Variants in UNC80 observed in about 807,000 individuals in gnomAD.
The protein encoded by UNC80 is protein unc-80 homolog.
Under a neutral mutation model 384.6 loss-of-function variants are expected in UNC80, and 164 were observed. The ratio of observed to expected loss-of-function variants is 0.43; its 90% CI spans 0.38 to 0.49. UNC80 has a LOEUF of 0.49. Among genes scored for constraint, UNC80 ranks in the 20% least tolerant of loss-of-function variants. UNC80 has a pLI of 0.00. For missense variants in UNC80, 3,330 were observed against 4,143.0 expected, an observed-to-expected ratio of 0.80 and a Z score of 5.39; for synonymous variants, 1,486 against 1,527.8, an observed-to-expected ratio of 0.97 and a Z score of 0.64.
At chr2:209,788,287 A>C (rs1373488398) in intron 5 of UNC80, among the ~76,000 whole-genome samples, 3 of 152,004 alleles carry the variant, frequency 2.0e-5, no homozygotes, top group Non-Finnish European at 4.4e-5. Context: ...TTGGTAGCGC[A>C]TGCCTATAAT....
chr2:209,889,711 A>G lies in UNC80; in HGVS notation c.4276+1451A>G, dbSNP rs182040102. ...CCTATGTTCATGTTTCTCATTGCTC[A>G]ACTCCCACTTATGAGTGAGAACATG... On this transcript the variant is annotated intron_variant, in intron 26 of 64. Coordinates refer to ENST00000673920, the MANE Select transcript of UNC80 (RefSeq NM_001371986.1). Among the ~76,000 whole-genome samples, 44 of 152,266 alleles carry G rather than the reference A, an allele frequency of 2.9e-4. No homozygotes were observed. In the East Asian group the frequency reaches 8.3e-3, roughly 29 times the overall value.
intron 22 of UNC80, among the ~76,000 whole-genome samples, chr2:209,871,458 C>A (rs1025728502): frequency 6.6e-6 from 1 of 152,160 alleles, no homozygotes; most frequent in African/African-American, 2.4e-5. Context: ...ATGTAATTGA[C>A]AGTCTATGTT....
At chr2:209,842,827 C>T (rs1412466271) in intron 21 of UNC80, among the ~76,000 whole-genome samples, 1 of 152,208 alleles carries the variant, frequency 6.6e-6, no homozygotes, top group Non-Finnish European at 1.5e-5. Context: ...TGCACACTTC[C>T]ACTGAGGGGG....
intron 5 of UNC80, 146 bp downstream of exon 5, chr2:209,786,335 C>A: frequency 9.5e-7 from 1 of 1,049,480 alleles, no homozygotes. Context: ...ATAGGGCTTA[C>A]TCACATGAGG....
intron 9 of UNC80, among the ~76,000 whole-genome samples, chr2:209,816,583 C>G (rs2079753597): frequency 6.6e-6 from 1 of 152,172 alleles, no homozygotes; most frequent in Non-Finnish European, 1.5e-5. Context: ...TTCTGAGGGT[C>G]TAATATAATA....
In UNC80 at chr2:209,820,383, A is replaced by G; in HGVS notation, c.2035A>G (p.Ile679Val). The G allele has an allele frequency of 6.4e-7, 1 of 1,552,000 alleles. No individual in the cohort carries two copies. The highest frequency in any genetic ancestry group is 8.7e-7 in the Non-Finnish European group (1 of 1,147,060). Residue 679 changes from isoleucine to valine, a missense_variant, in exon 13 of 65, where the codon ATT becomes GTT. Coordinates refer to ENST00000673920, the MANE Select transcript of UNC80 (RefSeq NM_001371986.1). ...SSRICDVALN[I>V]VECLLQLGVV... ...TCGTATCTGTGACGTGGCGCTAAACATTGTGGAATGCTTGCTTCAACTTGG... is the reference window on the plus strand; with the variant it reads ...TCGTATCTGTGACGTGGCGCTAAACGTTGTGGAATGCTTGCTTCAACTTGG...
At chr2:209,842,506 A>G in intron 21 of UNC80, 60 bp downstream of exon 21, 1 of 1,243,054 alleles carries the variant, frequency 8.0e-7, no homozygotes, top group Non-Finnish European at 1.1e-6. Context: ...CAAAAACTTG[A>G]TTAGATTAAG....
chr2:209,945,499 T>G (rs1184544586), intron 46 of UNC80, among the ~76,000 whole-genome samples: 3 of 152,164 alleles, frequency 2.0e-5, no homozygotes, highest in African/African-American at 7.2e-5. Flanking sequence ...AGTGAATAAC[T>G]CTCCAAAATG....
chr2:209,889,664 C>T (rs944812589), intron 26 of UNC80, among the ~76,000 whole-genome samples: 1 of 152,066 alleles, frequency 6.6e-6, no homozygotes, highest in Non-Finnish European at 1.5e-5. Context: ...ACGGACAGGC[C>T]CCGGTGAGTG....
chr2:209,942,460 T>C (rs2124980436), intron 44 of UNC80, among the ~76,000 whole-genome samples: 1 of 152,322 alleles, frequency 6.6e-6, no homozygotes, highest in East Asian at 1.9e-4. Flanking sequence ...GAAGGTAATT[T>C]AGCAGGAACA....
At chr2:209,899,131 G>A (rs1334865133) in intron 28 of UNC80, among the ~76,000 whole-genome samples, 6 of 152,064 alleles carry the variant, frequency 3.9e-5, no homozygotes, top group Admixed American at 6.6e-5. Context: ...TTCAATATAT[G>A]AATCTATTTT....
intron 4 of UNC80, among the ~76,000 whole-genome samples, chr2:209,778,480 T>A (rs534573632): frequency 4.4e-4 from 67 of 152,336 alleles, no homozygotes; most frequent in African/African-American, 1.6e-3. Context: ...AATTGCTTTT[T>A]AAAATATTTT....
rs1439630415 is a variant in UNC80 at position 209,813,626 on chromosome 2, T to C, written c.985T>C (p.Tyr329His). 2 of 1,551,750 alleles carry C rather than the reference T, an allele frequency of 1.3e-6. No individual in the cohort carries two copies. Among genetic ancestry groups the C allele is most frequent in the African/African-American group, 2.7e-5 (2 of 73,056 alleles). Residue 329 changes from tyrosine to histidine, a missense_variant, in exon 8 of 65, where the codon TAC (tyrosine) becomes CAC (histidine). This residue lies in a region of UNC80 where 937 missense variants were observed against 1,026.8 expected (regional missense o/e 0.91). Transcript: ENST00000673920. ...PPCQRSRYAT[Y>H]FDVAVLRCLL... Reference sequence around the variant, plus strand: ...GTGCCAAAGGTCCCGCTATGCCACCTACTTTGACGTTGCTGTTCTGCGCTG... The same window carrying C: ...GTGCCAAAGGTCCCGCTATGCCACCCACTTTGACGTTGCTGTTCTGCGCTG...
At chr2:209,917,706 C>T in intron 31 of UNC80, 71 bp from the exon 32 acceptor site, 1 of 1,506,894 alleles carries the variant, frequency 6.6e-7, no homozygotes, top group Middle Eastern at 1.8e-4. Context: ...AAGCAGTTTC[C>T]ACTTCTCCCC....
rs1181261575 is a variant in UNC80, at chr2:209,913,747, G to A, written c.4891-55G>A. The A allele has an allele frequency of 1.1e-5, 17 of 1,487,206 alleles. No homozygotes were observed. In the African/African-American group the frequency reaches 1.5e-4, roughly 13 times the overall value. The allele number at this position is 1,487,206 out of a possible 1,614,324, so 92.1% of individuals were successfully genotyped here. A position where few individuals can be genotyped will look rare whatever the true frequency, so the allele number is the denominator to read the frequency against. On this transcript the variant is annotated intron_variant, in intron 30 of 64. Coordinates refer to ENST00000673920, the MANE Select transcript of UNC80 (RefSeq NM_001371986.1). ...ACGTGGCTTTTAAGTTTCAAGAGAAGTGCAGTATTCACTGTCTTAAAAGAT... is the reference window on the plus strand; with the variant it reads ...ACGTGGCTTTTAAGTTTCAAGAGAAATGCAGTATTCACTGTCTTAAAAGAT...
intron 35 of UNC80, among the ~76,000 whole-genome samples, chr2:209,925,746 C>G (rs1054723563): frequency 6.6e-6 from 1 of 152,174 alleles, no homozygotes; most frequent in Admixed American, 6.5e-5. Context: ...CTGATTGGTG[C>G]ATTTACAATC....
At chr2:209,806,113 C>T (rs1333680686) in intron 7 of UNC80, among the ~76,000 whole-genome samples, 1 of 152,192 alleles carries the variant, frequency 6.6e-6, no homozygotes. Context: ...TTCTGTCTGA[C>T]TTTTAAACAT....
At chr2:209,777,749 A>T (rs10932308) in intron 4 of UNC80, among the ~76,000 whole-genome samples, 190 bp downstream of exon 4, 74,079 of 152,060 alleles carry the variant, frequency 0.49, 20,280 homozygotes, top group Admixed American at 0.6. Flanking sequence ...CAAAGCCTTT[A>T]CCTACTTAAA....
At chr2:209,930,015 G>A (rs1426965017) in intron 37 of UNC80, 44 bp downstream of exon 37, 1 of 1,333,042 alleles carries the variant, frequency 7.5e-7, no homozygotes, top group African/African-American at 1.5e-5. Context: ...GGCTACAAGT[G>A]TGAACACTGT....
Sources: allele counts gnomAD v4.1 joint callset (sites outside exome capture counted in the v4.1 genomes callset), GRCh38; gene constraint gnomAD v4.1.1; regional missense constraint gnomAD v4.1.1; transcripts MANE v1.5; gene names NCBI Gene and HGNC (gene_info 2026-07-23, HGNC 2026-07-21).